Variants in EYS observed in about 807,000 individuals in gnomAD.
EYS encodes protein eyes shut homolog.
Under a neutral mutation model 282.1 loss-of-function variants are expected in EYS, and 250 were observed. That is an observed-to-expected ratio of 0.89 (90% CI 0.80 to 0.98). EYS has a LOEUF of 0.98. Among genes scored for constraint, EYS ranks in the 50% least tolerant of loss-of-function variants. The pLI is 0.00. For missense variants in EYS, 4,016 were observed against 3,709.0 expected (o/e 1.08, Z -2.15); for synonymous variants, 1,355 against 1,282.9 (o/e 1.06, Z -1.20).
intron 18 of EYS, among the ~76,000 whole-genome samples, chr6:64,890,551 A>G (rs1767258343): frequency 6.6e-6 from 1 of 152,264 alleles, no homozygotes; most frequent in East Asian, 1.9e-4. Flanking sequence ...ATATCAGGGC[A>G]GGTTCCCCGA....
At chr6:64,922,380 A>G (rs1768374338) in intron 15 of EYS, among the ~76,000 whole-genome samples, 1 of 152,220 alleles carries the variant, frequency 6.6e-6, no homozygotes, top group Non-Finnish European at 1.5e-5. Context: ...ATTAGTGCAA[A>G]ATAGACTGTT....
At chr6:64,045,739 G>T (rs1351802813) in intron 33 of EYS, among the ~76,000 whole-genome samples, 2 of 151,024 alleles carry the variant, frequency 1.3e-5, no homozygotes, top group Non-Finnish European at 2.9e-5. Flanking sequence ...GAGCCACCAT[G>T]CTTGGCCTGA....
intron 26 of EYS, among the ~76,000 whole-genome samples, chr6:64,536,804 A>G (rs1362118951): frequency 6.6e-6 from 1 of 150,786 alleles, no homozygotes; most frequent in Non-Finnish European, 1.5e-5. Flanking sequence ...TTAACAAAAT[A>G]TATATATATA....
chr6:65,109,235 G>C (rs977697706), intron 12 of EYS, among the ~76,000 whole-genome samples: 3 of 151,824 alleles, frequency 2.0e-5, no homozygotes, highest in Non-Finnish European at 2.9e-5. Context: ...TTATTTTAGG[G>C]TCGAAACTCT....
chr6:63,827,928 C>T (rs1043775286), intron 36 of EYS, among the ~76,000 whole-genome samples: 2 of 151,136 alleles, frequency 1.3e-5, no homozygotes, highest in African/African-American at 2.4e-5. Flanking sequence ...AAATCAACTC[C>T]AAAAGGAACC....
intron 35 of EYS, among the ~76,000 whole-genome samples, chr6:63,880,410 C>A (rs1006597118): frequency 1.3e-5 from 2 of 151,816 alleles, no homozygotes; most frequent in Non-Finnish European, 2.9e-5. Flanking sequence ...TATTGTGGGA[C>A]CTTGTGATCA....
chr6:65,012,804 G>T (rs1329484022), intron 13 of EYS, among the ~76,000 whole-genome samples: 3 of 94,970 alleles, frequency 3.2e-5, no homozygotes, highest in East Asian at 2.9e-4. Flanking sequence ...CACTTTCCAA[G>T]TACAGCAAAA....
intron 22 of EYS, among the ~76,000 whole-genome samples, chr6:64,768,973 A>C (rs557641025): frequency 1.3e-5 from 2 of 152,114 alleles, no homozygotes; most frequent in Non-Finnish European, 2.9e-5. Context: ...GAATGGAGCT[A>C]GATCCTGTTG....
At chr6:65,102,274 T>C (rs1774916176) in intron 12 of EYS, among the ~76,000 whole-genome samples, 1 of 151,336 alleles carries the variant, frequency 6.6e-6, no homozygotes, top group Admixed American at 6.6e-5. Context: ...AAAAGCAAAA[T>C]GACTTACATT....
At chr6:63,764,746 C>A (rs898745328) in intron 40 of EYS, among the ~76,000 whole-genome samples, 1 of 151,798 alleles carries the variant, frequency 6.6e-6, no homozygotes, top group African/African-American at 2.4e-5. Flanking sequence ...ATGCCAAAAT[C>A]TTATTTGAAA....
At chr6:64,989,173 A>C (rs909372574) in intron 14 of EYS, among the ~76,000 whole-genome samples, 2 of 150,866 alleles carry the variant, frequency 1.3e-5, no homozygotes, top group African/African-American at 4.9e-5. Context: ...ACTGAGGCTT[A>C]GAAACGTTAA....
intron 15 of EYS, among the ~76,000 whole-genome samples, chr6:64,913,836 G>T (rs1404797704): frequency 6.6e-6 from 1 of 152,090 alleles, no homozygotes; most frequent in African/African-American, 2.4e-5. Flanking sequence ...TCTCCATAAT[G>T]CTTTCTGTGG....
chr6:65,141,742 C>T (rs953539777), intron 12 of EYS, among the ~76,000 whole-genome samples: 3 of 148,490 alleles, frequency 2.0e-5, no homozygotes, highest in African/African-American at 7.6e-5. Flanking sequence ...ATTTAATTGA[C>T]AGCATATTTC....
intron 15 of EYS, among the ~76,000 whole-genome samples, chr6:64,933,509 A>C (rs1768799130): frequency 6.6e-6 from 1 of 152,200 alleles, no homozygotes; most frequent in Admixed American, 6.5e-5. Context: ...ATGTGGAGAA[A>C]TAGGAATGCT....
At chr6:65,007,212 A>AC (rs2150130950) in intron 13 of EYS, among the ~76,000 whole-genome samples, 1 of 152,244 alleles carries the variant, frequency 6.6e-6, no homozygotes, top group African/African-American at 2.4e-5. Flanking sequence ...AAGCATTAGG[A>AC]CCATAGAGGA....
At chr6:64,019,853 T>TATATAC (rs1769098181) in intron 33 of EYS, among the ~76,000 whole-genome samples, 1 of 46,054 alleles carries the variant, frequency 2.2e-5, no homozygotes, top group South Asian at 5.4e-4. Context: ...TATATAAGTA[T>TATATAC]ATATATATAT....
chr6:64,143,020 G>T (rs1029016055), intron 31 of EYS, among the ~76,000 whole-genome samples: 1 of 152,196 alleles, frequency 6.6e-6, no homozygotes, highest in Non-Finnish European at 1.5e-5. Flanking sequence ...GCCATGAAAA[G>T]ATGTGGAAGA....
At chr6:63,829,407 G>A (rs1053912305) in intron 36 of EYS, among the ~76,000 whole-genome samples, 6 of 152,184 alleles carry the variant, frequency 3.9e-5, no homozygotes, top group Non-Finnish European at 8.8e-5. Context: ...GGCACACCAG[G>A]AGATTATATC....
intron 19 of EYS, among the ~76,000 whole-genome samples, chr6:64,831,804 G>C (rs957897633): frequency 6.6e-6 from 1 of 151,850 alleles, no homozygotes; most frequent in African/African-American, 2.4e-5. Flanking sequence ...TTTTAAAGAA[G>C]ACATTCAAAA....
Sources: allele counts gnomAD v4.1 joint callset (sites outside exome capture counted in the v4.1 genomes callset), GRCh38; gene constraint gnomAD v4.1.1; transcripts MANE v1.5; gene names NCBI Gene and HGNC (gene_info 2026-07-23, HGNC 2026-07-21).